CFAP61: variants seen among roughly 807,000 people sequenced by gnomAD.
CFAP61 encodes the protein cilia- and flagella-associated protein 61.
Under a neutral mutation model 135.6 loss-of-function variants are expected in CFAP61, and 107 were observed. The observed-to-expected ratio is 0.79, with a 90% CI of 0.67 to 0.93. The LOEUF (loss-of-function observed/expected upper bound fraction) is 0.93. Ranked by LOEUF, CFAP61 falls within the 40% of genes least tolerant of loss-of-function variation. The probability of loss-of-function intolerance (pLI) is 0.00; values close to 1 mark genes in which losing one functional copy is unlikely to be tolerated. For missense variants in CFAP61, 1,507 were observed against 1,556.2 expected (o/e 0.97, Z 0.53); for synonymous variants, 575 against 578.5 (o/e 0.99, Z 0.09).
At chr20:20,124,972 A>G (rs183376703) in intron 8 of CFAP61, among the ~76,000 whole-genome samples, 1 of 151,674 alleles carries the variant, frequency 6.6e-6, no homozygotes, top group South Asian at 2.1e-4. Context: ...CCAGGAATTT[A>G]TCTATCTCTT....
intron 26 of CFAP61, among the ~76,000 whole-genome samples, chr20:20,358,787 C>G (rs558740662): frequency 6.6e-6 from 1 of 152,316 alleles, no homozygotes; most frequent in East Asian, 1.9e-4. Flanking sequence ...AGTCTGTTTT[C>G]CTATCTATAA....
chr20:20,150,166 C>G (rs893913967), intron 9 of CFAP61, among the ~76,000 whole-genome samples: 7 of 151,650 alleles, frequency 4.6e-5, no homozygotes, highest in Admixed American at 4.6e-4. Flanking sequence ...TAACCCCATG[C>G]GCCCACCACC....
At chr20:20,265,689 C>T in intron 21 of CFAP61, 1 of 562,016 alleles carries the variant, frequency 1.8e-6, no homozygotes, top group South Asian at 2.2e-5. Context: ...GTGCTCTTAA[C>T]ACTGAAATGC....
intron 21 of CFAP61, among the ~76,000 whole-genome samples, chr20:20,276,503 CTATT>C (rs750609504): frequency 6.6e-5 from 10 of 152,220 alleles, no homozygotes; most frequent in East Asian, 1.9e-4. Context: ...ATAGTATAGA[CTATT>C]TATCATCAAA....
intron 2 of CFAP61, among the ~76,000 whole-genome samples, chr20:20,066,479 A>G (rs1450944164): frequency 3.3e-5 from 5 of 152,246 alleles, no homozygotes; most frequent in African/African-American, 7.2e-5. Flanking sequence ...CATATACACC[A>G]TGGAATACTG....
At chr20:20,178,020 G>A (rs1320568149) in intron 13 of CFAP61, among the ~76,000 whole-genome samples, 1 of 152,146 alleles carries the variant, frequency 6.6e-6, no homozygotes, top group African/African-American at 2.4e-5. Context: ...TAAATTTCAT[G>A]ACCTTGTGTT....
In CFAP61 at chr20:20,341,873, T is replaced by G; in HGVS notation, c.3465T>G (p.Arg1155=). The part of the protein sequence containing the change: ...EPWCLALFHD[R]FIDLRKELRQ... The stretch of plus-strand genomic sequence containing the variant: ...GGTGCCTGGCCCTGTTCCACGATCG[T>G]TTTATTGATCTCAGGAAAGAGTTAC... The change falls in exon 26 of 27, where the codon CGT becomes CGG. Residue 1155 remains arginine, a synonymous_variant. Coordinates refer to ENST00000245957, the MANE Select transcript of CFAP61 (RefSeq NM_015585.4). The G allele has an allele frequency of 6.2e-7, 1 of 1,613,624 alleles. No individual in the cohort carries two copies. The highest frequency in any genetic ancestry group is 1.1e-5 in the South Asian group (1 of 91,014).
chr20:20,335,814 G>A lies in CFAP61; in HGVS notation c.3423-6017G>A, dbSNP rs548997158. 4.6e-5 allele frequency among the ~76,000 whole-genome samples: 7 copies of A among 152,320 alleles called. No homozygotes were observed. In the East Asian group the frequency reaches 1.3e-3, roughly 29 times the overall value. ...TAATGTAGGGGATACTTGGGAAACT[G>A]GGGTGATTAAGAGAGTTGCTAGAAA... On this transcript the variant is annotated intron_variant, in intron 25 of 26. Coordinates refer to ENST00000245957, the MANE Select transcript of CFAP61 (RefSeq NM_015585.4).
intron 18 of CFAP61, among the ~76,000 whole-genome samples, chr20:20,237,684 C>T (rs2049704662): frequency 6.6e-6 from 1 of 152,178 alleles, no homozygotes; most frequent in African/African-American, 2.4e-5. Flanking sequence ...CCCATAACTC[C>T]TTAATATCAT....
At chr20:20,119,045 G>A (rs984923857) in intron 8 of CFAP61, among the ~76,000 whole-genome samples, 4 of 151,858 alleles carry the variant, frequency 2.6e-5, no homozygotes, top group African/African-American at 9.7e-5. Flanking sequence ...AAATTTTTGT[G>A]TCTATGTTCT....
At chr20:20,272,925 C>T (rs897987014) in intron 21 of CFAP61, among the ~76,000 whole-genome samples, 6 of 152,124 alleles carry the variant, frequency 3.9e-5, no homozygotes, top group East Asian at 3.8e-4. Flanking sequence ...GGTCATCCAA[C>T]GTCACGTTTA....
chr20:20,294,295 C>T (rs1276061969), intron 24 of CFAP61, among the ~76,000 whole-genome samples: 1 of 152,216 alleles, frequency 6.6e-6, no homozygotes, highest in Non-Finnish European at 1.5e-5. Context: ...CTGTCAGCGA[C>T]TGTGAATAGG....
At chr20:20,308,133 G>A (rs759087058) in intron 25 of CFAP61, among the ~76,000 whole-genome samples, 17 of 152,150 alleles carry the variant, frequency 1.1e-4, no homozygotes, top group South Asian at 2.1e-4. Context: ...ATCAGACAGC[G>A]GAGAATAGAG....
chr20:20,054,009 G>GTTTTGTTTTGTT (rs1491456523), intron 1 of CFAP61, among the ~76,000 whole-genome samples: 28 of 88,854 alleles, frequency 3.2e-4, no homozygotes, highest in South Asian at 7.3e-4. Context: ...TGTTTTTTTT[G>GTTTTGTTTTGTT]TTTGTTTTTT....
intron 25 of CFAP61, among the ~76,000 whole-genome samples, chr20:20,306,756 G>A (rs1356039904): frequency 6.6e-6 from 1 of 152,196 alleles, no homozygotes; most frequent in South Asian, 2.1e-4. Context: ...GGAAGGCGCT[G>A]GCATTCTCCC....
chr20:20,090,688 CAA>C (rs138798717), intron 6 of CFAP61, among the ~76,000 whole-genome samples, 154 bp from the exon 7 acceptor site: 2 of 102,958 alleles, frequency 1.9e-5, no homozygotes, highest in African/African-American at 3.8e-5. Context: ...GACTCCCTCT[CAA>C]AAAAAAAAAA....
intron 9 of CFAP61, among the ~76,000 whole-genome samples, chr20:20,148,451 T>A (rs2052097936): frequency 6.6e-6 from 1 of 152,218 alleles, no homozygotes; most frequent in Non-Finnish European, 1.5e-5. Flanking sequence ...GTAATTTTCC[T>A]TGTAGATCTT....
chr20:20,122,060 A>G (rs1390300234), intron 8 of CFAP61, among the ~76,000 whole-genome samples: 2 of 151,808 alleles, frequency 1.3e-5, no homozygotes, highest in Non-Finnish European at 2.9e-5. Context: ...CCCAGGCAGT[A>G]TACATTGTAC....
chr20:20,277,376 A>G lies in CFAP61; in HGVS notation c.2714A>G (p.Gln905Arg), dbSNP rs2053848665. Residue 905 changes from glutamine to arginine, a missense_variant, in exon 22 of 27, where the codon CAG becomes CGG. Transcript: ENST00000245957. ...ATGTACCGGGATGCGATCCTGGCCC[A>G]GTGGAATGACGGCCTGCACCCAGAC... is the stretch of plus-strand genomic sequence containing the variant. ...VTMYRDAILA[Q>R]WNDGLHPDPI... 1.2e-6 allele frequency: 2 copies of G among 1,614,130 alleles called. No individual in the cohort carries two copies.
Sources: allele counts gnomAD v4.1 joint callset (sites outside exome capture counted in the v4.1 genomes callset), GRCh38; gene constraint gnomAD v4.1.1; transcripts MANE v1.5; gene names NCBI Gene and HGNC (gene_info 2026-07-23, HGNC 2026-07-21).